Variants in TTLL10 observed in about 807,000 individuals in gnomAD.
TTLL10 encodes tubulin tyrosine ligase like 10.
TTLL10 carries 61 observed loss-of-function variants against 69.0 expected under a neutral mutation model. The observed-to-expected ratio is 0.88, with a 90% CI of 0.72 to 1.09. The LOEUF (loss-of-function observed/expected upper bound fraction) is 1.09, where lower values mean the gene tolerates loss of function less well. Among genes scored for constraint, TTLL10 ranks in the 50% least tolerant of loss-of-function variants. The pLI, the probability that TTLL10 is intolerant of heterozygous loss-of-function variation, is 0.00. For synonymous variants in TTLL10, 408 were observed against 393.3 expected (o/e 1.04, Z -0.44); for missense variants, 962 against 945.9 (o/e 1.02, Z -0.22).
Position 1,181,127 on chromosome 1 carries a change from T to C in TTLL10, c.755+267T>C, listed in dbSNP as rs1367533780. Reference sequence around the variant, plus strand: ...CCTGTCCTTTAAAGGGCCAAACCCCTGTCCCATAAACCCACCCTCTTCCTC... The same window carrying C: ...CCTGTCCTTTAAAGGGCCAAACCCCCGTCCCATAAACCCACCCTCTTCCTC... On this transcript the variant is annotated intron_variant, in intron 8 of 15. Coordinates refer to ENST00000379289, the MANE Select transcript of TTLL10 (RefSeq NM_001130045.2). This position sits in a 1 kb window ranked among gnomAD's most constrained non-coding sequence, Gnocchi z 4.6. 7.3e-6 allele frequency among the ~76,000 whole-genome samples: 1 copy of C among 136,616 alleles called. No homozygotes were observed. Among genetic ancestry groups the C allele is most frequent in the Non-Finnish European group, 1.6e-5 (1 of 64,296 alleles). The allele number at this position is 136,616 out of a possible 152,430, so 89.6% of individuals were successfully genotyped here.
chr1:1,193,610 CATG>C (rs1221381024), intron 13 of TTLL10, among the ~76,000 whole-genome samples: 1 of 151,606 alleles, frequency 6.6e-6, no homozygotes, highest in African/African-American at 2.4e-5. Context: ...ATTACAGGCG[CATG>C]CCACCACACC....
At chr1:1,182,017 C>T (rs1647085077) in intron 9 of TTLL10, among the ~76,000 whole-genome samples, 1 of 152,224 alleles carries the variant, frequency 6.6e-6, no homozygotes, top group South Asian at 2.1e-4. Context: ...GGGCTCAGGC[C>T]ACGCTCTCCG....
rs985975761 is a variant in TTLL10, at chr1:1,173,885, T to A, written c.-172T>A. On this transcript the variant is annotated 5_prime_UTR_variant, in exon 1 of 16. Transcript: ENST00000379289. This position sits in a 1 kb window ranked among gnomAD's most constrained non-coding sequence, Gnocchi z 4.1. ...GAGACGGTTGCCAGGTCACCACTGTTGTTTCCTGGCCCAGGCTCCCAGGAC... is the reference window on the plus strand; with the variant it reads ...GAGACGGTTGCCAGGTCACCACTGTAGTTTCCTGGCCCAGGCTCCCAGGAC... 5.3e-5 allele frequency: 8 copies of A among 152,216 alleles called. No homozygotes were observed. Among genetic ancestry groups the A allele is most frequent in the African/African-American group, 1.9e-4 (8 of 41,442 alleles). The allele number at this position is 152,216 out of a possible 1,614,324, so 9.4% of individuals were successfully genotyped here. A position where few individuals can be genotyped will look rare whatever the true frequency, so the allele number is the denominator to read the frequency against.
intron 13 of TTLL10, among the ~76,000 whole-genome samples, chr1:1,194,509 A>T (rs1648058353): frequency 6.6e-6 from 1 of 152,236 alleles, no homozygotes; most frequent in African/African-American, 2.4e-5. Context: ...AGCCTGAAGG[A>T]CGGTAGGGCG....
intron 12 of TTLL10, among the ~76,000 whole-genome samples, chr1:1,184,736 G>A (rs1236002809): frequency 7.2e-6 from 1 of 138,948 alleles, no homozygotes; most frequent in African/African-American, 2.7e-5. Flanking sequence ...CAGTCTCCAG[G>A]CACCGTGTGC....
intron 11 of TTLL10, among the ~76,000 whole-genome samples, chr1:1,183,501 C>T (rs796128171): frequency 1.1e-4 from 16 of 152,274 alleles, no homozygotes; most frequent in African/African-American, 3.1e-4. Flanking sequence ...TAGAGCCTCA[C>T]TCTGACCACA....
chr1:1,183,307 G>T lies in TTLL10; in HGVS notation c.1088+260G>T, dbSNP rs1297678997. ...TGGGGCCCCCTCTGTCCTGCAGGTG[G>T]CCTGGCCTGGGTGGCCTCCCGGCTG... is the stretch of plus-strand genomic sequence containing the variant. On this transcript the variant is annotated intron_variant, in intron 11 of 15. Coordinates refer to ENST00000379289, the MANE Select transcript of TTLL10 (RefSeq NM_001130045.2). Among the ~76,000 whole-genome samples, 3 of 152,286 alleles carry T rather than the reference G, an allele frequency of 2.0e-5. No homozygotes were observed. In the East Asian group the frequency reaches 5.8e-4, roughly 29 times the overall value.
At chr1:1,179,865 C>G (rs1646990825) in intron 5 of TTLL10, 128 bp downstream of exon 5, 2 of 1,441,604 alleles carry the variant, frequency 1.4e-6, no homozygotes, top group African/African-American at 1.4e-5. Context: ...TAAGCAGTCC[C>G]CAGGCCGCCT....
At chr1:1,184,893 T>C (rs1046115818) in intron 12 of TTLL10, 76 bp from the exon 13 acceptor site, 5 of 523,192 alleles carry the variant, frequency 9.6e-6, no homozygotes, top group Admixed American at 3.7e-5. Flanking sequence ...TAGGGGGATG[T>C]TCTCTTGGGG....
intron 3 of TTLL10, 108 bp from the exon 4 acceptor site, chr1:1,179,081 C>CCTCCTACCTCTCCAAG: frequency 1.4e-6 from 1 of 722,272 alleles, no homozygotes; most frequent in Non-Finnish European, 2.2e-6. Flanking sequence ...CCCTGGGAGG[C>CCTCCTACCTCTCCAAG]GCCCTTTCCT....
At position 1,197,607 on chromosome 1, in the gene TTLL10, G is replaced by T; in HGVS notation, c.1782G>T (p.Lys594Asn). 6.6e-7 allele frequency: 1 copy of T among 1,514,288 alleles called. No homozygotes were observed. 93.8% of individuals were successfully genotyped at this position (1,514,288 alleles called of 1,614,324 possible). A position where few individuals can be genotyped will look rare whatever the true frequency, so the allele number is the denominator to read the frequency against. ...RWPPLPTRQA[K>N]SSGPPMPHAP... is the part of the protein sequence containing the mutation. ...CGCCCCTGCCCACCCGCCAGGCCAA[G>T]TCCTCCGGGCCACCCATGCCGCATG... Residue 594 changes from lysine to asparagine, a missense_variant, in exon 16 of 16, where the codon AAG becomes AAT. Physicochemically the swap from Lys to Asn is moderately conservative, Grantham distance 94. Coordinates refer to ENST00000379289, the MANE Select transcript of TTLL10 (RefSeq NM_001130045.2).
chr1:1,188,404 A>C (rs1647499097), intron 13 of TTLL10, among the ~76,000 whole-genome samples: 1 of 144,276 alleles, frequency 6.9e-6, no homozygotes, highest in Admixed American at 7.6e-5. Flanking sequence ...AGTCCAATGA[A>C]ATTTTTTTTT....
At position 1,180,842 on chromosome 1, in the gene TTLL10, CG is replaced by C. The variant is rs757394688; in HGVS notation, c.745del (p.Val249SerfsTer31). ...GCCATGAGCAAGGCCAGCAAGGTGC[CG>C]GGGGGGGTCCAGGCCAGGTGAGTCT... ...ARAMSKASKV[P>X]GGVQARLEKD... On this transcript the variant is annotated frameshift_variant, in exon 8 of 16. Transcript: ENST00000379289. LOFTEE classifies it high-confidence loss of function. The C allele has an allele frequency of 1.2e-4, 182 of 1,573,192 alleles. No individual in the cohort carries two copies. The Admixed American group carries it at 1.2e-3, about 10-fold the overall frequency.
rs1357166843 is a variant in TTLL10, at chr1:1,181,665, C to T, written c.756-76C>T. 2 of 1,385,506 alleles carry T rather than the reference C, an allele frequency of 1.4e-6. No homozygotes were observed. The highest frequency in any genetic ancestry group is 2.0e-6 in the Non-Finnish European group (2 of 1,008,926). The allele number at this position is 1,385,506 out of a possible 1,614,324, so 85.8% of individuals were successfully genotyped here. A position where few individuals can be genotyped will look rare whatever the true frequency, so the allele number is the denominator to read the frequency against. On this transcript the variant is annotated intron_variant, in intron 8 of 15. Transcript: ENST00000379289. The surrounding 1 kb of genome is among the most constrained non-coding windows in gnomAD (Gnocchi z 4.6). ...GTCCGCCCACTCACCACCCATGCCC[C>T]ATCCCCCAGTCCCCACCCGCTCCAA... is the stretch of plus-strand genomic sequence containing the variant.
At chr1:1,179,362 T>C in intron 4 of TTLL10, 29 bp downstream of exon 4, 1 of 1,541,124 alleles carries the variant, frequency 6.5e-7, no homozygotes, top group Non-Finnish European at 8.8e-7. Context: ...GGTGGCCTCC[T>C]ACCTCTCCAA....
chr1:1,179,167 C>A, intron 3 of TTLL10, 22 bp from the exon 4 acceptor site: 1 of 1,454,110 alleles, frequency 6.9e-7, no homozygotes, highest in Non-Finnish European at 9.2e-7. Flanking sequence ...ACAGGAGGGT[C>A]AGAGCGGCAT....
intron 4 of TTLL10, 71 bp downstream of exon 4, chr1:1,179,404 A>C (rs1273235481): frequency 2.1e-6 from 3 of 1,430,406 alleles, no homozygotes; most frequent in Non-Finnish European, 2.9e-6. Context: ...GGTGCCCCAT[A>C]CCCAAGGAAG....
rs74045199 is a variant in TTLL10 at position 1,174,296 on chromosome 1, C to T, written c.-119C>T. ...GCGTCCTTTGACAGCGGCCTCCGGCCGGGAGGCACCAGCTCTTCGAACAAT... is the reference window on the plus strand; with the variant it reads ...GCGTCCTTTGACAGCGGCCTCCGGCTGGGAGGCACCAGCTCTTCGAACAAT... On this transcript the variant is annotated 5_prime_UTR_variant, in exon 2 of 16. Coordinates refer to ENST00000379289, the MANE Select transcript of TTLL10 (RefSeq NM_001130045.2). 15 of 152,810 alleles carry T rather than the reference C, an allele frequency of 9.8e-5. No individual in the cohort carries two copies. Among genetic ancestry groups the T allele is most frequent in the African/African-American group, 3.6e-4 (15 of 41,598 alleles). The allele number at this position is 152,810 out of a possible 1,614,324, so 9.5% of individuals were successfully genotyped here.
At chr1:1,196,460 C>G (rs764021314) in intron 13 of TTLL10, 140 bp from the exon 14 acceptor site, 1 of 655,136 alleles carries the variant, frequency 1.5e-6, no homozygotes, top group South Asian at 1.7e-5. Flanking sequence ...GCTGAGTGCA[C>G]GAACGTGTGG....
Sources: gnomAD v4.1 joint callset for allele counts (sites outside exome capture counted in the v4.1 genomes callset) on GRCh38, gnomAD v4.1.1 for gene constraint, Gnocchi (gnomAD v3.1) non-coding constraint, MANE v1.5 for transcripts, NCBI Gene and HGNC (gene_info 2026-07-23, HGNC 2026-07-21) for gene names.